SYT16: variants seen among roughly 807,000 people sequenced by gnomAD.
SYT16 encodes the protein synaptotagmin 16, also known as synaptotagmin-16.
In SYT16, 42 loss-of-function variants were observed where a neutral mutation model predicts 61.4. The ratio of observed to expected loss-of-function variants is 0.68; its 90% CI spans 0.53 to 0.89. The LOEUF (loss-of-function observed/expected upper bound fraction) is 0.89, where lower values mean the gene tolerates loss of function less well. SYT16 is among the 40% of genes least tolerant of loss of function. SYT16 has a pLI of 0.00. For synonymous variants in SYT16, 314 were observed against 302.3 expected, an observed-to-expected ratio of 1.04 and a Z score of -0.40; for missense variants, 804 against 807.3, an observed-to-expected ratio of 1.00 and a Z score of 0.05.
intron 1 of SYT16, among the ~76,000 whole-genome samples, chr14:61,849,301 G>A (rs866698502): frequency 1.3e-5 from 2 of 152,260 alleles, no homozygotes; most frequent in Middle Eastern, 6.8e-3. Flanking sequence ...ACTGGCACAA[G>A]CACTCTCTTA....
chr14:61,847,322 C>CT, intron 1 of SYT16, among the ~76,000 whole-genome samples: 1 of 152,118 alleles, frequency 6.6e-6, no homozygotes, highest in East Asian at 1.9e-4. Flanking sequence ...GCTAGATATA[C>CT]TATTCTATGG....
At chr14:61,860,596 A>G (rs1464510294) in intron 1 of SYT16, among the ~76,000 whole-genome samples, 1 of 152,204 alleles carries the variant, frequency 6.6e-6, no homozygotes, top group African/African-American at 2.4e-5. Context: ...TTTTTATTGT[A>G]TTTTTAAAAA....
intron 1 of SYT16, among the ~76,000 whole-genome samples, chr14:61,891,242 G>GCGCGCA (rs1555353030): frequency 1.4e-5 from 2 of 147,802 alleles, no homozygotes; most frequent in African/African-American, 5.0e-5. Context: ...ACACACACGC[G>GCGCGCA]CACACACACA....
At chr14:62,006,469 C>T (rs997000617) in intron 3 of SYT16, among the ~76,000 whole-genome samples, 1 of 152,190 alleles carries the variant, frequency 6.6e-6, no homozygotes, top group Admixed American at 6.6e-5. Flanking sequence ...TCTTAATGTG[C>T]CATATTTTTC....
chr14:62,051,194 C>T (rs8011510), intron 3 of SYT16, among the ~76,000 whole-genome samples: 2 of 152,170 alleles, frequency 1.3e-5, no homozygotes, highest in African/African-American at 4.8e-5. Context: ...CCCAGCCTCA[C>T]TGCTGCCTTG....
chr14:61,916,162 A>G (rs776088807), intron 1 of SYT16, among the ~76,000 whole-genome samples: 7 of 152,322 alleles, frequency 4.6e-5, no homozygotes, highest in East Asian at 1.9e-4. Flanking sequence ...TTCCAAATCA[A>G]TAACTTCAAC....
At chr14:61,893,160 C>T (rs564985843) in intron 1 of SYT16, among the ~76,000 whole-genome samples, 73 of 152,174 alleles carry the variant, frequency 4.8e-4, no homozygotes, top group Non-Finnish European at 9.1e-4. Flanking sequence ...TGGGAAACTT[C>T]GTGTTCTTAT....
intron 1 of SYT16, among the ~76,000 whole-genome samples, chr14:61,920,412 C>T (rs968661199): frequency 6.6e-6 from 1 of 152,102 alleles, no homozygotes; most frequent in African/African-American, 2.4e-5. Flanking sequence ...TGTCCTAATG[C>T]TCTCCCTCCC....
chr14:61,855,959 C>A (rs2046761612), intron 1 of SYT16, among the ~76,000 whole-genome samples: 2 of 152,202 alleles, frequency 1.3e-5, no homozygotes, highest in African/African-American at 4.8e-5. Flanking sequence ...AATTTTATAT[C>A]TTCCCATTCA....
intron 1 of SYT16, among the ~76,000 whole-genome samples, chr14:61,888,059 A>G (rs957756845): frequency 2.6e-5 from 4 of 151,658 alleles, no homozygotes; most frequent in Admixed American, 6.6e-5. Flanking sequence ...ATCTGTGACA[A>G]TTCCTTCCAC....
chr14:61,828,169 C>A (rs1379193999), intron 1 of SYT16, among the ~76,000 whole-genome samples: 2 of 152,090 alleles, frequency 1.3e-5, no homozygotes, highest in Non-Finnish European at 2.9e-5. Flanking sequence ...CTTGCTGGCA[C>A]CTTGCTCTTG....
intron 1 of SYT16, among the ~76,000 whole-genome samples, chr14:61,948,908 A>G (rs372438633): frequency 2.0e-5 from 3 of 152,172 alleles, no homozygotes; most frequent in Admixed American, 6.5e-5. Context: ...AGGATGTGCA[A>G]TGTGGGTTCT....
At chr14:62,074,052 A>G (rs2056393240) in intron 4 of SYT16, among the ~76,000 whole-genome samples, 3 of 152,128 alleles carry the variant, frequency 2.0e-5, no homozygotes, top group African/African-American at 7.2e-5. Flanking sequence ...GTTTTCTTTC[A>G]TCCTGGGATG....
At chr14:61,901,741 T>TATAATAATAATA (rs369412092) in intron 1 of SYT16, among the ~76,000 whole-genome samples, 32 of 147,566 alleles carry the variant, frequency 2.2e-4, no homozygotes, top group African/African-American at 7.8e-4. Flanking sequence ...TTCATCTGCT[T>TATAATAATAATA]ATAATAATAA....
At chr14:61,945,041 GA>G (rs1396948975) in intron 1 of SYT16, among the ~76,000 whole-genome samples, 5 of 151,462 alleles carry the variant, frequency 3.3e-5, no homozygotes, top group Non-Finnish European at 5.9e-5. Flanking sequence ...AAATTTACAA[GA>G]AAAAAAACAA....
At chr14:61,890,066 C>T (rs187440279) in intron 1 of SYT16, among the ~76,000 whole-genome samples, 9 of 152,242 alleles carry the variant, frequency 5.9e-5, no homozygotes, top group Admixed American at 2.0e-4. Context: ...AGAAAGATCA[C>T]GAAGAGGCAG....
At chr14:61,830,839 A>T (rs186917445) in intron 1 of SYT16, among the ~76,000 whole-genome samples, 4 of 152,082 alleles carry the variant, frequency 2.6e-5, no homozygotes, top group Non-Finnish European at 5.9e-5. Flanking sequence ...CAGAGCTCCA[A>T]TCCATTCCAG....
At chr14:61,874,768 ATT>A (rs112967075) in intron 1 of SYT16, among the ~76,000 whole-genome samples, 2,872 of 141,710 alleles carry the variant, frequency 0.02, 37 homozygotes, top group African/African-American at 0.033. Context: ...ATGCAGCAAG[ATT>A]TTTTTTTTTT....
At chr14:61,926,103 A>G (rs1241758674) in intron 1 of SYT16, among the ~76,000 whole-genome samples, 1 of 152,202 alleles carries the variant, frequency 6.6e-6, no homozygotes, top group Non-Finnish European at 1.5e-5. Context: ...TTAGCAGCAT[A>G]TGTGTGGGAG....
Sources: gnomAD v4.1 joint callset for allele counts (sites outside exome capture counted in the v4.1 genomes callset) on GRCh38, gnomAD v4.1.1 for gene constraint, MANE v1.5 for transcripts, NCBI Gene and HGNC (gene_info 2026-07-23, HGNC 2026-07-21) for gene names.